Variants in OSBPL1A observed in about 807,000 individuals in gnomAD.
OSBPL1A encodes oxysterol-binding protein-related protein 1.
A neutral mutation model predicts 137.1 loss-of-function variants in OSBPL1A; 80 were observed. That is an observed-to-expected ratio of 0.58 (90% confidence interval 0.49 to 0.70). The LOEUF (loss-of-function observed/expected upper bound fraction) is 0.70. OSBPL1A is among the 30% of genes least tolerant of loss of function. The probability of loss-of-function intolerance (pLI) is 0.00; values close to 1 mark genes in which losing one functional copy is unlikely to be tolerated. For synonymous variants in OSBPL1A, 365 were observed against 389.7 expected (o/e 0.94, Z 0.75); for missense variants, 970 against 1,129.4 (o/e 0.86, Z 2.02).
At chr18:24,369,655 G>A (rs1905460550) in intron 2 of OSBPL1A, among the ~76,000 whole-genome samples, 1 of 152,028 alleles carries the variant, frequency 6.6e-6, no homozygotes. Context: ...ACCCTCCAAG[G>A]GACTGCAGCT....
chr18:24,220,553 T>A (rs935403863), intron 17 of OSBPL1A, among the ~76,000 whole-genome samples: 1 of 152,150 alleles, frequency 6.6e-6, no homozygotes, highest in Non-Finnish European at 1.5e-5. Flanking sequence ...TCTGGCTCAT[T>A]CTGGGCAGGG....
chr18:24,165,092 G>C lies in OSBPL1A; in HGVS notation c.2723C>G (p.Ser908Cys). 1 of 1,614,128 alleles carries C rather than the reference G, an allele frequency of 6.2e-7. No individual in the cohort carries two copies. Among genetic ancestry groups the C allele is most frequent in the South Asian group, 1.1e-5 (1 of 91,084 alleles). ...CGTCTTCCAGTCCTCTTCTGACTTG[G>C]ACCTGTTTTTGCGGGCTGCTCTTTG... ...EKQRAARKNR[S>C]KSEEDWKTRW... The change falls in exon 27 of 28, where the codon TCC becomes TGC. Residue 908 changes from serine (S) to cysteine (C), a missense_variant. Ser to Cys is a moderately radical substitution (Grantham distance 112). Coordinates refer to ENST00000319481, the MANE Select transcript of OSBPL1A (RefSeq NM_080597.4).
At chr18:24,262,077 T>C (rs1599581557) in intron 15 of OSBPL1A, among the ~76,000 whole-genome samples, 1 of 152,354 alleles carries the variant, frequency 6.6e-6, no homozygotes, top group Middle Eastern at 3.4e-3. Context: ...TATACTCCTG[T>C]ATATCTTCCA....
intron 14 of OSBPL1A, among the ~76,000 whole-genome samples, chr18:24,293,337 G>C (rs1464676049): frequency 6.6e-6 from 1 of 152,056 alleles, no homozygotes; most frequent in Non-Finnish European, 1.5e-5. Flanking sequence ...GAGGAACCCG[G>C]CAGCACTGCG....
chr18:24,190,623 T>C (rs1021937930), intron 18 of OSBPL1A, among the ~76,000 whole-genome samples: 2 of 152,222 alleles, frequency 1.3e-5, no homozygotes, highest in African/African-American at 4.8e-5. Flanking sequence ...CTTAGACCAC[T>C]GTAGAGTGTG....
intron 7 of OSBPL1A, among the ~76,000 whole-genome samples, chr18:24,321,287 C>T (rs2090850261): frequency 6.6e-6 from 1 of 151,966 alleles, no homozygotes; most frequent in Non-Finnish European, 1.5e-5. Flanking sequence ...AAAGGGTGTC[C>T]TTATTTTTTA....
intron 14 of OSBPL1A, among the ~76,000 whole-genome samples, chr18:24,298,512 A>AT (rs1157039202): frequency 1.3e-5 from 2 of 152,098 alleles, no homozygotes; most frequent in East Asian, 3.9e-4. Context: ...CGCCCGGCTA[A>AT]TTTTTTGTCT....
At chr18:24,292,144 G>A (rs569483598) in intron 14 of OSBPL1A, among the ~76,000 whole-genome samples, 110 of 152,220 alleles carry the variant, frequency 7.2e-4, no homozygotes, top group South Asian at 5.6e-3. Flanking sequence ...CAAAATGCTA[G>A]TGGAAGATAA....
chr18:24,222,957 T>C (rs949772451), intron 17 of OSBPL1A, among the ~76,000 whole-genome samples: 1 of 151,318 alleles, frequency 6.6e-6, no homozygotes, highest in African/African-American at 2.4e-5. Context: ...AAGTAAATGA[T>C]TTTTTTTTAA....
chr18:24,381,908 T>C (rs913001437), intron 1 of OSBPL1A, among the ~76,000 whole-genome samples: 3 of 146,646 alleles, frequency 2.0e-5, no homozygotes, highest in Non-Finnish European at 4.5e-5. Flanking sequence ...TTGCAGTGAG[T>C]AGAGATCACA....
At chr18:24,390,657 T>C (rs931972833) in intron 1 of OSBPL1A, among the ~76,000 whole-genome samples, 1 of 121,680 alleles carries the variant, frequency 8.2e-6, no homozygotes, top group South Asian at 2.7e-4. Context: ...ATCGTGCTAC[T>C]CTACTTCAGC....
chr18:24,308,599 T>A (rs999956837), intron 13 of OSBPL1A, among the ~76,000 whole-genome samples: 3 of 152,050 alleles, frequency 2.0e-5, no homozygotes, highest in African/African-American at 7.2e-5. Flanking sequence ...ACCCCCACTT[T>A]GCTAGTACCA....
At chr18:24,328,216 G>GTTT (rs1292001089) in intron 7 of OSBPL1A, among the ~76,000 whole-genome samples, 1 of 47,588 alleles carries the variant, frequency 2.1e-5, no homozygotes, top group Non-Finnish European at 4.4e-5. Context: ...CTAATTTTTT[G>GTTT]TATTTTTTTT....
chr18:24,277,718 C>T (rs141831880), intron 15 of OSBPL1A, among the ~76,000 whole-genome samples: 199 of 152,280 alleles, frequency 1.3e-3, no homozygotes, highest in African/African-American at 4.3e-3. Context: ...ACTCTGACCT[C>T]GATTACGCTG....
chr18:24,393,609 C>A (rs925955863), intron 1 of OSBPL1A, among the ~76,000 whole-genome samples: 2 of 152,128 alleles, frequency 1.3e-5, no homozygotes, highest in African/African-American at 2.4e-5. Flanking sequence ...CCCGCCACCA[C>A]GCCTGGCTAA....
At chr18:24,310,629 A>G (rs2730012) in intron 13 of OSBPL1A, among the ~76,000 whole-genome samples, 2,370 of 151,332 alleles carry the variant, frequency 0.016, 61 homozygotes, top group African/African-American at 0.055. Flanking sequence ...AAAAGAAAAA[A>G]AAAAAGAAGA....
At position 24,271,446 on chromosome 18, in the gene OSBPL1A, G is replaced by C. The variant is rs1168737576; in HGVS notation, c.1281+9396C>G. On this transcript the variant is annotated intron_variant, in intron 15 of 27. Coordinates refer to ENST00000319481, the MANE Select transcript of OSBPL1A (RefSeq NM_080597.4). The surrounding 1 kb of genome is among the most constrained non-coding windows in gnomAD (Gnocchi z 4.0). ...GAGAGCAGGGTCTCCCGGCTGGTGC[G>C]CCCCTCCCCACGCGCCCGCGGCTGC... is the stretch of plus-strand genomic sequence containing the variant. 1 of 584,920 alleles carries C rather than the reference G, an allele frequency of 1.7e-6. No individual in the cohort carries two copies. The highest frequency in any genetic ancestry group is 6.3e-5 in the Admixed American group (1 of 15,782). The allele number at this position is 584,920 out of a possible 1,614,324, so 36.2% of individuals were successfully genotyped here.
chr18:24,371,356 C>T (rs993350657), intron 2 of OSBPL1A, among the ~76,000 whole-genome samples: 1 of 152,186 alleles, frequency 6.6e-6, no homozygotes, highest in Non-Finnish European at 1.5e-5. Context: ...TCTACCTTAG[C>T]AAATGACATA....
At chr18:24,341,512 T>C in intron 5 of OSBPL1A, 35 bp downstream of exon 5, 2 of 1,513,338 alleles carry the variant, frequency 1.3e-6, no homozygotes, top group Non-Finnish European at 1.8e-6. Context: ...ATAATGAAAG[T>C]AAATGCTGTT....
Sources: gnomAD v4.1 joint callset for allele counts (sites outside exome capture counted in the v4.1 genomes callset) on GRCh38, gnomAD v4.1.1 for gene constraint, Gnocchi (gnomAD v3.1) non-coding constraint, MANE v1.5 for transcripts, NCBI Gene and HGNC (gene_info 2026-07-23, HGNC 2026-07-21) for gene names.